The following SCLT1 variants were observed in gnomAD, a reference collection of about 807,000 sequenced individuals.
SCLT1 encodes the protein sodium channel-associated protein 1.
A neutral mutation model predicts 112.8 loss-of-function variants in SCLT1; 78 were observed. That is an observed-to-expected ratio of 0.69 (90% CI 0.58 to 0.83). SCLT1 has a LOEUF of 0.83. SCLT1 is among the 40% of genes least tolerant of loss of function. The pLI is 0.00. For synonymous variants in SCLT1, 257 were observed against 254.7 expected (o/e 1.01, Z -0.09); for missense variants, 747 against 770.4 (o/e 0.97, Z 0.36).
chr4:129,034,895 C>T (rs1747047791), intron 5 of SCLT1, among the ~76,000 whole-genome samples: 1 of 152,076 alleles, frequency 6.6e-6, no homozygotes, highest in Non-Finnish European at 1.5e-5. Context: ...AGATTTGACC[C>T]ACAAGCTACA....
chr4:128,983,198 C>G (rs963270061), intron 9 of SCLT1, among the ~76,000 whole-genome samples: 2 of 152,150 alleles, frequency 1.3e-5, no homozygotes, highest in South Asian at 2.1e-4. Flanking sequence ...ACTACTTAGT[C>G]TTTATAGTAC....
At chr4:128,967,854 T>C (rs1740343760) in intron 10 of SCLT1, among the ~76,000 whole-genome samples, 1 of 152,196 alleles carries the variant, frequency 6.6e-6, no homozygotes, top group Non-Finnish European at 1.5e-5. Flanking sequence ...TTAGTTTAAT[T>C]AGGTCCCACT....
Position 129,049,888 on chromosome 4 carries a change from T to A in SCLT1, c.103-5837A>T, listed in dbSNP as rs9994706. On this transcript the variant is annotated intron_variant, in intron 2 of 20. Coordinates refer to ENST00000281142, the MANE Select transcript of SCLT1 (RefSeq NM_144643.4). ...ATTTGTCCTAATGCTCTCCTTCCCCTTACATGCCACCCACAGACAGGCCCT... is the reference window on the plus strand; with the variant it reads ...ATTTGTCCTAATGCTCTCCTTCCCCATACATGCCACCCACAGACAGGCCCT... Among the ~76,000 whole-genome samples the A allele has an allele frequency of 1.6e-3, 251 of 152,232 alleles. 1 individual carries two copies. Among genetic ancestry groups the A allele is most frequent in the African/African-American group, 5.7e-3 (237 of 41,548 alleles).
chr4:128,941,294 A>T (rs1475155922), intron 17 of SCLT1, among the ~76,000 whole-genome samples: 2 of 152,002 alleles, frequency 1.3e-5, no homozygotes, highest in African/African-American at 4.8e-5. Flanking sequence ...CAAAGTTCTA[A>T]TTGCTTTATA....
intron 4 of SCLT1, chr4:129,039,370 T>A: frequency 3.4e-6 from 1 of 294,290 alleles, no homozygotes; most frequent in Non-Finnish European, 6.3e-6. Flanking sequence ...GACTTGTAGT[T>A]GTGAAAAACA....
chr4:129,052,720 C>G (rs1435893530), intron 2 of SCLT1, among the ~76,000 whole-genome samples: 1 of 152,050 alleles, frequency 6.6e-6, no homozygotes, highest in Non-Finnish European at 1.5e-5. Context: ...TTTTGTGTCT[C>G]TATCTCCTTC....
At chr4:129,092,924 C>T (rs1187247442) in intron 1 of SCLT1, 146 bp downstream of exon 1, 3 of 656,940 alleles carry the variant, frequency 4.6e-6, no homozygotes, top group Non-Finnish European at 5.4e-6. Flanking sequence ...TCACGTATAA[C>T]ATCAAGGTTT....
intron 9 of SCLT1, among the ~76,000 whole-genome samples, chr4:128,982,651 A>G (rs1337123209): frequency 6.6e-6 from 1 of 151,772 alleles, no homozygotes; most frequent in Non-Finnish European, 1.5e-5. Context: ...ACAGGCTCCC[A>G]TCACCATGCC....
chr4:129,080,589 G>A (rs1026847896), intron 2 of SCLT1, among the ~76,000 whole-genome samples: 13 of 152,214 alleles, frequency 8.5e-5, no homozygotes, highest in Admixed American at 2.6e-4. Context: ...TTCACTATCC[G>A]TATCACTATG....
intron 2 of SCLT1, among the ~76,000 whole-genome samples, chr4:129,044,611 T>C (rs1192482457): frequency 6.6e-6 from 1 of 151,850 alleles, no homozygotes; most frequent in African/African-American, 2.4e-5. Flanking sequence ...TTAGCTTTAC[T>C]AAAGGATATA....
chr4:129,049,783 T>A lies in SCLT1; in HGVS notation c.103-5732A>T, dbSNP rs1748582586. ...ACATGTGCAGAACGTTCAGGTTTGT[T>A]ACATAGGTATACATGTGCCATGGTG... On this transcript the variant is annotated intron_variant, in intron 2 of 20. Transcript: ENST00000281142. 2.6e-5 allele frequency among the ~76,000 whole-genome samples: 4 copies of A among 152,190 alleles called. No homozygotes were observed. In the South Asian group the frequency reaches 8.3e-4, roughly 32 times the overall value.
At chr4:128,892,817 T>C (rs1178503480) in intron 18 of SCLT1, among the ~76,000 whole-genome samples, 2 of 152,200 alleles carry the variant, frequency 1.3e-5, no homozygotes, top group African/African-American at 4.8e-5. Context: ...ATGAGGAGTT[T>C]GGGTATCTAT....
chr4:129,007,509 T>A (rs1177537445), intron 5 of SCLT1, among the ~76,000 whole-genome samples: 1 of 152,204 alleles, frequency 6.6e-6, no homozygotes, highest in Non-Finnish European at 1.5e-5. Flanking sequence ...TCTGTAATCA[T>A]CTGTTTCACA....
intron 4 of SCLT1, among the ~76,000 whole-genome samples, chr4:129,042,159 C>A (rs1472251206): frequency 6.6e-6 from 1 of 152,118 alleles, no homozygotes; most frequent in East Asian, 1.9e-4. Flanking sequence ...TAAACCAAAT[C>A]CAATCATGAG....
intron 5 of SCLT1, among the ~76,000 whole-genome samples, chr4:129,006,001 C>T (rs1743971569): frequency 8.4e-6 from 1 of 119,350 alleles, no homozygotes; most frequent in South Asian, 2.9e-4. Flanking sequence ...GAACATCACA[C>T]TCTGGGGACT....
intron 5 of SCLT1, among the ~76,000 whole-genome samples, chr4:129,012,695 C>T (rs1744637972): frequency 6.6e-6 from 1 of 151,904 alleles, no homozygotes; most frequent in South Asian, 2.1e-4. Flanking sequence ...TACAAATCTG[C>T]GTGCTCCTGT....
intron 1 of SCLT1, among the ~76,000 whole-genome samples, chr4:129,084,573 A>G (rs981513327): frequency 3.3e-5 from 5 of 152,178 alleles, no homozygotes; most frequent in Non-Finnish European, 7.3e-5. Context: ...AAGCAATCCT[A>G]AGCAAAAAGA....
At chr4:128,918,963 G>A (rs1027882262) in intron 18 of SCLT1, among the ~76,000 whole-genome samples, 1 of 152,120 alleles carries the variant, frequency 6.6e-6, no homozygotes, top group African/African-American at 2.4e-5. Flanking sequence ...ACTTAGATAA[G>A]CACACAATAA....
intron 18 of SCLT1, among the ~76,000 whole-genome samples, chr4:128,899,154 G>A (rs1035605758): frequency 1.3e-5 from 2 of 152,072 alleles, no homozygotes; most frequent in East Asian, 1.9e-4. Flanking sequence ...AAAAGAGGGA[G>A]TGCTCCCTAA....
Sources: allele counts gnomAD v4.1 joint callset (sites outside exome capture counted in the v4.1 genomes callset), GRCh38; gene constraint gnomAD v4.1.1; transcripts MANE v1.5; gene names NCBI Gene and HGNC (gene_info 2026-07-23, HGNC 2026-07-21).